Variants in UBE2E2 observed in about 807,000 individuals in gnomAD.
The protein encoded by UBE2E2 is ubiquitin-conjugating enzyme E2 E2.
UBE2E2 carries 6 observed loss-of-function variants against 24.7 expected under a neutral mutation model. The ratio of observed to expected loss-of-function variants is 0.24; its 90% CI spans 0.13 to 0.48. The LOEUF is 0.48. UBE2E2 is among the 20% of genes least tolerant of loss of function. The pLI, the probability that UBE2E2 is intolerant of heterozygous loss-of-function variation, is 0.99. For missense variants in UBE2E2, 169 were observed against 245.0 expected (o/e 0.69, Z 2.07); for synonymous variants, 104 against 83.6 (o/e 1.24, Z -1.33).
intron 4 of UBE2E2, among the ~76,000 whole-genome samples, chr3:23,526,918 C>A (rs1384300204): frequency 2.0e-5 from 3 of 152,150 alleles, no homozygotes. Flanking sequence ...TATTATTTTT[C>A]ATCCAGTTAT....
At chr3:23,377,964 G>A (rs4858076) in intron 3 of UBE2E2, among the ~76,000 whole-genome samples, 150,843 of 152,230 alleles carry the variant, frequency 0.99, 74,734 homozygotes, top group East Asian at 1. Flanking sequence ...AACTCTATAG[G>A]TAATGTTCTT....
At chr3:23,427,178 T>C (rs1448506372) in intron 3 of UBE2E2, among the ~76,000 whole-genome samples, 1 of 149,554 alleles carries the variant, frequency 6.7e-6, no homozygotes, top group Non-Finnish European at 1.5e-5. Context: ...TCCAGCACTT[T>C]GGGGAGGCTG....
At chr3:23,462,733 C>G (rs1261272538) in intron 3 of UBE2E2, among the ~76,000 whole-genome samples, 1 of 152,100 alleles carries the variant, frequency 6.6e-6, no homozygotes, top group African/African-American at 2.4e-5. Flanking sequence ...TCTTTTGCAT[C>G]CCTCATTATC....
intron 3 of UBE2E2, among the ~76,000 whole-genome samples, chr3:23,489,029 T>G (rs375926554): frequency 1.3e-5 from 2 of 152,208 alleles, no homozygotes; most frequent in African/African-American, 4.8e-5. Flanking sequence ...ACCTTTCTGG[T>G]TTTTTTACTT....
intron 3 of UBE2E2, among the ~76,000 whole-genome samples, chr3:23,362,849 GA>G: frequency 2.0e-5 from 3 of 152,290 alleles, no homozygotes; most frequent in Middle Eastern, 3.4e-3. Flanking sequence ...GAGAACTCAG[GA>G]AGAAGGTGCA....
chr3:23,273,740 TCTC>T (rs1434050977), intron 3 of UBE2E2: 1 of 152,268 alleles, frequency 6.6e-6, no homozygotes, highest in African/African-American at 2.4e-5. Context: ...TATGAATCAT[TCTC>T]CTGGTTTCCA....
intron 5 of UBE2E2, among the ~76,000 whole-genome samples, chr3:23,543,642 C>G (rs985884144): frequency 3.3e-5 from 5 of 152,108 alleles, no homozygotes; most frequent in Admixed American, 3.3e-4. Flanking sequence ...GACCATACTG[C>G]CCAAAGCAAT....
intron 3 of UBE2E2, among the ~76,000 whole-genome samples, chr3:23,242,533 A>G (rs1697286338): frequency 2.0e-5 from 3 of 152,096 alleles, no homozygotes; most frequent in Non-Finnish European, 4.4e-5. Flanking sequence ...TGTCACAGGA[A>G]TAAAAGCTTT....
At chr3:23,465,190 T>C (rs1467556547) in intron 3 of UBE2E2, among the ~76,000 whole-genome samples, 1 of 152,074 alleles carries the variant, frequency 6.6e-6, no homozygotes, top group Non-Finnish European at 1.5e-5. Context: ...TAGGTAATGT[T>C]AGTAGCTTCA....
At chr3:23,257,512 G>C (rs1575509564) in intron 3 of UBE2E2, among the ~76,000 whole-genome samples, 4 of 31,156 alleles carry the variant, frequency 1.3e-4, no homozygotes, top group Admixed American at 7.9e-4. Flanking sequence ...TGTTTCCCGT[G>C]CCCCCCCCCC....
At chr3:23,544,098 C>T (rs1019206029) in intron 5 of UBE2E2, among the ~76,000 whole-genome samples, 1 of 151,988 alleles carries the variant, frequency 6.6e-6, no homozygotes, top group Admixed American at 6.6e-5. Flanking sequence ...AAGACTAAAC[C>T]ATAAAAATTC....
rs1696710327 is a variant in UBE2E2 at position 23,589,452 on chromosome 3, G to A, written c.509-282G>A. Among the ~76,000 whole-genome samples, 1 of 151,928 alleles carries A rather than the reference G, an allele frequency of 6.6e-6. No homozygotes were observed. The highest frequency in any genetic ancestry group is 1.5e-5 in the Non-Finnish European group (1 of 67,958). On this transcript the variant is annotated intron_variant, in intron 5 of 5. Coordinates refer to ENST00000396703, the MANE Select transcript of UBE2E2 (RefSeq NM_152653.4). The surrounding 1 kb of genome is among the most constrained non-coding windows in gnomAD (Gnocchi z 4.1). Reference sequence around the variant, plus strand: ...GAAAAAAAAAAAAACCAATACGAGGGGAGCAAGGTGAGAAGTATGTGGTGG... The same window carrying A: ...GAAAAAAAAAAAAACCAATACGAGGAGAGCAAGGTGAGAAGTATGTGGTGG...
At chr3:23,323,341 A>T (rs979036781) in intron 3 of UBE2E2, among the ~76,000 whole-genome samples, 4 of 152,134 alleles carry the variant, frequency 2.6e-5, no homozygotes, top group African/African-American at 9.7e-5. Flanking sequence ...GGTAGTACTT[A>T]CTGTCTTGTT....
intron 3 of UBE2E2, among the ~76,000 whole-genome samples, chr3:23,255,100 T>G (rs1296021427): frequency 1.5e-5 from 2 of 129,744 alleles, no homozygotes; most frequent in African/African-American, 5.6e-5. Flanking sequence ...TTTTTTTTTT[T>G]TTTTGAGACA....
intron 3 of UBE2E2, among the ~76,000 whole-genome samples, chr3:23,286,885 ATTTAAT>A (rs886908262): frequency 6.6e-6 from 1 of 152,070 alleles, no homozygotes; most frequent in African/African-American, 2.4e-5. Flanking sequence ...ATTTGTAGGT[ATTTAAT>A]TTTATCTGTT....
At chr3:23,422,921 G>A (rs951370660) in intron 3 of UBE2E2, among the ~76,000 whole-genome samples, 4 of 152,160 alleles carry the variant, frequency 2.6e-5, no homozygotes, top group African/African-American at 7.2e-5. Flanking sequence ...TCCCTGTTCA[G>A]CTCTTCTCCA....
intron 3 of UBE2E2, among the ~76,000 whole-genome samples, chr3:23,291,958 A>T (rs1046089137): frequency 7.0e-6 from 1 of 142,814 alleles, no homozygotes; most frequent in Non-Finnish European, 1.5e-5. Context: ...TCCTGGGTTC[A>T]TGCCATTCTC....
chr3:23,222,001 T>TC (rs1231347651), intron 3 of UBE2E2, among the ~76,000 whole-genome samples: 1 of 152,078 alleles, frequency 6.6e-6, no homozygotes, highest in African/African-American at 2.4e-5. Context: ...TTCCTCTTGA[T>TC]CCCCCCACTC....
At chr3:23,438,714 A>G (rs1698235022) in intron 3 of UBE2E2, among the ~76,000 whole-genome samples, 2 of 152,200 alleles carry the variant, frequency 1.3e-5, no homozygotes, top group East Asian at 1.9e-4. Context: ...AATATTTACT[A>G]AATTAGATAT....
Sources: gnomAD v4.1 joint callset for allele counts (sites outside exome capture counted in the v4.1 genomes callset) on GRCh38, gnomAD v4.1.1 for gene constraint, Gnocchi (gnomAD v3.1) non-coding constraint, MANE v1.5 for transcripts, NCBI Gene and HGNC (gene_info 2026-07-23, HGNC 2026-07-21) for gene names.